Variants in NEURL1 observed in about 807,000 individuals in gnomAD.
NEURL1 encodes E3 ubiquitin-protein ligase NEURL1.
Under a neutral mutation model 41.2 loss-of-function variants are expected in NEURL1, and 26 were observed. That is an observed-to-expected ratio of 0.63 (90% CI 0.46 to 0.87). The LOEUF (loss-of-function observed/expected upper bound fraction) is 0.87. NEURL1 is among the 40% of genes least tolerant of loss of function. NEURL1 has a pLI of 0.00. For synonymous variants in NEURL1, 400 were observed against 402.3 expected (o/e 0.99, Z 0.07); for missense variants, 761 against 871.1 (o/e 0.87, Z 1.59).
At chr10:103,496,032 T>A (rs1358414529) in intron 1 of NEURL1, among the ~76,000 whole-genome samples, 1 of 151,738 alleles carries the variant, frequency 6.6e-6, no homozygotes, top group Non-Finnish European at 1.5e-5. Flanking sequence ...ATCCCTTGAA[T>A]CTGGCAGATG....
At chr10:103,514,864 GCT>G (rs1258784670) in intron 1 of NEURL1, among the ~76,000 whole-genome samples, 2 of 150,684 alleles carry the variant, frequency 1.3e-5, no homozygotes, top group African/African-American at 4.9e-5. Context: ...CAGCCTTGGG[GCT>G]CTCTCTGGAC....
intron 1 of NEURL1, among the ~76,000 whole-genome samples, chr10:103,519,874 C>G (rs761050857): frequency 3.3e-5 from 5 of 151,830 alleles, no homozygotes; most frequent in Non-Finnish European, 7.4e-5. Context: ...GCCTTGACCC[C>G]CCGGGGCTCA....
intron 1 of NEURL1, chr10:103,555,348 A>G (rs777251267): frequency 7.5e-7 from 1 of 1,337,628 alleles, no homozygotes; most frequent in South Asian, 1.2e-5. Context: ...CGGCCGGCCC[A>G]GCAGAGGTGG....
intron 1 of NEURL1, among the ~76,000 whole-genome samples, chr10:103,563,228 T>C (rs1404017898): frequency 6.6e-6 from 1 of 152,242 alleles, no homozygotes; most frequent in Non-Finnish European, 1.5e-5. Flanking sequence ...TGCGATCAAG[T>C]GTTAAAGTTT....
intron 1 of NEURL1, among the ~76,000 whole-genome samples, chr10:103,525,753 A>G (rs2034447320): frequency 6.6e-6 from 1 of 152,060 alleles, no homozygotes; most frequent in African/African-American, 2.4e-5. Context: ...CTCTTCCTTA[A>G]TTGCTCTGGC....
At chr10:103,568,093 C>T (rs761134627) in intron 1 of NEURL1, among the ~76,000 whole-genome samples, 1 of 152,132 alleles carries the variant, frequency 6.6e-6, no homozygotes, top group Admixed American at 6.5e-5. Flanking sequence ...CACAGGTGTA[C>T]GTGTATGCCC....
chr10:103,505,685 A>G (rs1448614499), intron 1 of NEURL1, among the ~76,000 whole-genome samples: 2 of 152,020 alleles, frequency 1.3e-5, no homozygotes, highest in African/African-American at 2.4e-5. Context: ...TCTGTATCTT[A>G]AAAAGCACCC....
In NEURL1 at chr10:103,589,543, C is replaced by T; in HGVS notation, c.1369C>T (p.Pro457Ser). 6.2e-7 allele frequency: 1 copy of T among 1,613,140 alleles called. No homozygotes were observed. Among genetic ancestry groups the T allele is most frequent in the Non-Finnish European group, 8.5e-7 (1 of 1,179,508 alleles). ...GSTILAERGI[P>S]SLPCSPASTP... The stretch of plus-strand genomic sequence containing the variant: ...CACTATCCTGGCCGAGCGGGGTATC[C>T]CATCACTCCCCTGCTCCCCTGCCTC... Residue 457 changes from proline to serine, a missense_variant, in exon 5 of 6, where the codon CCA (proline) becomes TCA (serine). Transcript: ENST00000369780.
intron 1 of NEURL1, among the ~76,000 whole-genome samples, chr10:103,535,053 A>T (rs1418004871): frequency 1.3e-5 from 2 of 152,170 alleles, no homozygotes; most frequent in Admixed American, 1.3e-4. Context: ...AATAGGGTTC[A>T]GCAGCAACTC....
intron 1 of NEURL1, among the ~76,000 whole-genome samples, chr10:103,499,920 C>A (rs1339083296): frequency 6.6e-6 from 1 of 152,244 alleles, no homozygotes; most frequent in Non-Finnish European, 1.5e-5. Context: ...TCATACCCTT[C>A]CCCGCTTCAG....
At position 103,584,821 on chromosome 10, in the gene NEURL1, CGGT is replaced by C; in HGVS notation, c.938_940del (p.Val313del). ...CACGTCCGCATCCTCGACGAGCAGA[CGGT>C]GGCGCGCGTGGAGCACGGGCGCGAC... On this transcript the variant is annotated inframe_deletion, in exon 4 of 6. Coordinates refer to ENST00000369780, the MANE Select transcript of NEURL1 (RefSeq NM_004210.5). 7.1e-7 allele frequency: 1 copy of C among 1,418,002 alleles called. No homozygotes were observed. The highest frequency in any genetic ancestry group is 3.3e-5 in the Admixed American group (1 of 30,552). 87.8% of individuals were successfully genotyped at this position (1,418,002 alleles called of 1,614,324 possible). A position where few individuals can be genotyped will look rare whatever the true frequency, so the allele number is the denominator to read the frequency against.
In NEURL1 at chr10:103,494,300, CCGCG is replaced by C; in HGVS notation, c.-82_-79del. The C allele has an allele frequency of 2.7e-6, 3 of 1,119,026 alleles. No individual in the cohort carries two copies. Among genetic ancestry groups the C allele is most frequent in the Non-Finnish European group, 3.8e-6 (3 of 799,424 alleles). The allele number at this position is 1,119,026 out of a possible 1,614,324, so 69.3% of individuals were successfully genotyped here. On this transcript the variant is annotated 5_prime_UTR_variant, in exon 1 of 6. Coordinates refer to ENST00000369780, the MANE Select transcript of NEURL1 (RefSeq NM_004210.5). ...AGGGCCCTCCCCCGGTGGCGCGCAC[CCGCG>C]CGCGCACACTCGCACACCGCACCTC... is the stretch of plus-strand genomic sequence containing the variant.
intron 3 of NEURL1, among the ~76,000 whole-genome samples, chr10:103,582,447 G>T (rs1226378137): frequency 6.6e-6 from 1 of 152,036 alleles, no homozygotes; most frequent in Non-Finnish European, 1.5e-5. Flanking sequence ...ACATTTTCTG[G>T]CCGGCTCCCT....
intron 4 of NEURL1, among the ~76,000 whole-genome samples, chr10:103,586,997 C>A (rs2035937076): frequency 6.6e-6 from 1 of 151,938 alleles, no homozygotes; most frequent in Non-Finnish European, 1.5e-5. Flanking sequence ...GCTGCAGTGA[C>A]CTGAGATAGT....
intron 1 of NEURL1, among the ~76,000 whole-genome samples, chr10:103,532,552 A>C (rs1001183546): frequency 2.6e-5 from 4 of 152,158 alleles, no homozygotes; most frequent in Non-Finnish European, 5.9e-5. Context: ...TTATTGGCTG[A>C]TGATTATTTT....
chr10:103,588,908 T>C (rs1292753333), intron 4 of NEURL1: 1 of 421,586 alleles, frequency 2.4e-6, no homozygotes. Context: ...GTCGTGCCAC[T>C]GCACTCCAGC....
chr10:103,494,425 G>A lies in NEURL1; in HGVS notation c.38G>A (p.Arg13Gln). 6.3e-7 allele frequency: 1 copy of A among 1,598,850 alleles called. No individual in the cohort carries two copies. Among genetic ancestry groups the A allele is most frequent in the Non-Finnish European group, 8.5e-7 (1 of 1,173,296 alleles). Residue 13 changes from arginine to glutamine, a missense_variant, in exon 1 of 6, where the codon CGA becomes CAA. By Grantham distance (43) the Arg-to-Gln change is conservative. Transcript: ENST00000369780. Reference sequence around the variant, plus strand: ...TTCTCCAGTATCCCCTCGCTGCCCCGAGGAAACCCGAGCCGCGCGCCGCGG... The same window carrying A: ...TTCTCCAGTATCCCCTCGCTGCCCCAAGGAAACCCGAGCCGCGCGCCGCGG... The part of the protein sequence containing the change: ...NNFSSIPSLP[R>Q]GNPSRAPRGH...
chr10:103,532,137 C>T (rs1367106821), intron 1 of NEURL1, among the ~76,000 whole-genome samples: 3 of 152,128 alleles, frequency 2.0e-5, no homozygotes, highest in Non-Finnish European at 2.9e-5. Flanking sequence ...TTTTCTTATC[C>T]GTTCAGGCAG....
chr10:103,542,235 C>T (rs1309348350), intron 1 of NEURL1, among the ~76,000 whole-genome samples: 1 of 152,132 alleles, frequency 6.6e-6, no homozygotes, highest in East Asian at 1.9e-4. Flanking sequence ...ATTGGTCTAG[C>T]GTGGATACTG....
Sources: gnomAD v4.1 joint callset for allele counts (sites outside exome capture counted in the v4.1 genomes callset) on GRCh38, gnomAD v4.1.1 for gene constraint, MANE v1.5 for transcripts, NCBI Gene and HGNC (gene_info 2026-07-23, HGNC 2026-07-21) for gene names.